PVT1: variants seen among roughly 807,000 people sequenced by gnomAD.
PVT1 encodes the protein CXCR4/PVT1 fusion.
intron 3 of PVT1, among the ~76,000 whole-genome samples, chr8:127,902,824 T>A (rs949486605): frequency 6.6e-6 from 1 of 152,228 alleles, no homozygotes; most frequent in Admixed American, 6.5e-5. Context: ...ATTTTCTTTA[T>A]CCAGTCCACC....
At chr8:128,086,031 A>G (rs1227594581) in intron 5 of PVT1, among the ~76,000 whole-genome samples, 2 of 152,244 alleles carry the variant, frequency 1.3e-5, no homozygotes, top group East Asian at 3.8e-4. Flanking sequence ...TTAGAATTCA[A>G]ATGACATCAT....
intron 2 of PVT1, among the ~76,000 whole-genome samples, chr8:127,868,884 A>G (rs557580150): frequency 2.3e-4 from 34 of 144,828 alleles, no homozygotes; most frequent in South Asian, 2.0e-3. Context: ...AAAATTTCCC[A>G]AAACAAACCC....
chr8:128,047,528 GCTATTGAGA>G (rs1019070953), intron 4 of PVT1, among the ~76,000 whole-genome samples: 2 of 152,214 alleles, frequency 1.3e-5, no homozygotes, highest in African/African-American at 4.8e-5. Flanking sequence ...TGTAAAGGAC[GCTATTGAGA>G]CCTTGCTACT....
chr8:127,870,919 C>T (rs1815344767), intron 2 of PVT1, among the ~76,000 whole-genome samples: 1 of 152,136 alleles, frequency 6.6e-6, no homozygotes. Context: ...TGCCGTGTGT[C>T]CTATTAACTC....
Position 127,837,430 on chromosome 8 carries a change from A to G in PVT1, n.372+41359A>G, listed in dbSNP as rs566062762. Reference sequence around the variant, plus strand: ...TTTTGAATACCGGAAATTAAGGGGAAATTCGGAAACCTCATAATGGCTTCA... The same window carrying G: ...TTTTGAATACCGGAAATTAAGGGGAGATTCGGAAACCTCATAATGGCTTCA... On this transcript the variant is annotated intron_variant and non_coding_transcript_variant, in intron 2 of 10. Transcript: ENST00000651587. Among the ~76,000 whole-genome samples, 128 of 151,564 alleles carry G rather than the reference A, an allele frequency of 8.4e-4. No homozygotes were observed. In the Middle Eastern group the frequency reaches 0.01, roughly 12 times the overall value.
intron 3 of PVT1, among the ~76,000 whole-genome samples, chr8:127,934,979 C>CT (rs1369208955): frequency 4.0e-5 from 6 of 151,228 alleles, no homozygotes; most frequent in Admixed American, 3.3e-4. Flanking sequence ...AAGTTCTCTT[C>CT]TTTTTTTTTG....
intron 3 of PVT1, among the ~76,000 whole-genome samples, chr8:127,919,951 C>T (rs1432794655): frequency 6.6e-6 from 1 of 152,156 alleles, no homozygotes; most frequent in African/African-American, 2.4e-5. Flanking sequence ...GAAGAAGCAT[C>T]TATAGGCGGA....
chr8:127,930,305 CG>C (rs954130477), intron 3 of PVT1, among the ~76,000 whole-genome samples: 6 of 152,122 alleles, frequency 3.9e-5, no homozygotes, highest in African/African-American at 1.2e-4. Flanking sequence ...TACAGGCATG[CG>C]CCACCAGGTC....
chr8:127,984,931 T>C (rs1563657689), intron 3 of PVT1, among the ~76,000 whole-genome samples: 1 of 133,882 alleles, frequency 7.5e-6, no homozygotes, highest in Non-Finnish European at 1.6e-5. Context: ...CTCTTTCTCT[T>C]TCTTTCTTTC....
intron 2 of PVT1, among the ~76,000 whole-genome samples, chr8:127,880,269 T>TCCCCACTATTCC: frequency 6.6e-6 from 1 of 152,276 alleles, no homozygotes; most frequent in South Asian, 2.1e-4. Context: ...TAGCTGGAAT[T>TCCCCACTATTCC]AATCACCCAC....
intron 3 of PVT1, among the ~76,000 whole-genome samples, chr8:127,966,340 G>T (rs1816702531): frequency 6.6e-6 from 1 of 152,178 alleles, no homozygotes; most frequent in Non-Finnish European, 1.5e-5. Context: ...AATTGCTGAG[G>T]TTCATGCACC....
intron 2 of PVT1, among the ~76,000 whole-genome samples, chr8:127,881,582 G>A (rs1359888089): frequency 1.3e-5 from 2 of 150,348 alleles, no homozygotes; most frequent in Non-Finnish European, 3.0e-5. Flanking sequence ...TCAGCCTCCC[G>A]AGTAGCTGAG....
At chr8:128,065,957 T>C (rs1453356950) in intron 4 of PVT1, among the ~76,000 whole-genome samples, 10 of 152,214 alleles carry the variant, frequency 6.6e-5, no homozygotes, top group Non-Finnish European at 1.3e-4. Context: ...GAACCTAGTC[T>C]GTGACACAGG....
intron 3 of PVT1, among the ~76,000 whole-genome samples, chr8:127,922,743 G>T (rs1816077670): frequency 6.6e-6 from 1 of 152,232 alleles, no homozygotes; most frequent in South Asian, 2.1e-4. Context: ...GGCTGGACAG[G>T]ATCTGTCACC....
chr8:128,079,753 C>T (rs1389207656), intron 5 of PVT1, among the ~76,000 whole-genome samples: 1 of 152,060 alleles, frequency 6.6e-6, no homozygotes, highest in Non-Finnish European at 1.5e-5. Flanking sequence ...GAGATGGAGT[C>T]TCACTCTGTC....
At chr8:128,041,461 T>G (rs1281889111) in intron 4 of PVT1, among the ~76,000 whole-genome samples, 2 of 151,264 alleles carry the variant, frequency 1.3e-5, no homozygotes, top group African/African-American at 4.9e-5. Flanking sequence ...GGCGTGTATA[T>G]GTGTTTGGTG....
chr8:127,970,541 C>T (rs1403411383), intron 3 of PVT1, among the ~76,000 whole-genome samples: 1 of 151,830 alleles, frequency 6.6e-6, no homozygotes, highest in African/African-American at 2.4e-5. Flanking sequence ...CCTCGTGATC[C>T]GCCCGCCTCG....
At chr8:127,821,940 A>AT (rs1814734955) in intron 2 of PVT1, among the ~76,000 whole-genome samples, 1 of 152,198 alleles carries the variant, frequency 6.6e-6, no homozygotes, top group Admixed American at 6.5e-5. Context: ...CTGCACGGCC[A>AT]TATGTGGCAG....
At chr8:127,962,709 G>A (rs1477247588) in intron 3 of PVT1, among the ~76,000 whole-genome samples, 1 of 152,072 alleles carries the variant, frequency 6.6e-6, no homozygotes, top group Non-Finnish European at 1.5e-5. Flanking sequence ...TGATTCTGCT[G>A]TCTCAGCCTC....
Sources: allele counts gnomAD v4.1 joint callset (sites outside exome capture counted in the v4.1 genomes callset), GRCh38; gene constraint gnomAD v4.1.1; transcripts MANE v1.5; gene names NCBI Gene and HGNC (gene_info 2026-07-23, HGNC 2026-07-21).